DCC: variants seen among roughly 807,000 people sequenced by gnomAD.
The protein encoded by DCC is DCC netrin 1 receptor, also known as netrin receptor DCC.
DCC carries 58 observed loss-of-function variants against 172.5 expected under a neutral mutation model. That is an observed-to-expected ratio of 0.34 (90% CI 0.27 to 0.42). DCC has a LOEUF of 0.42. DCC is among the 10% of genes least tolerant of loss of function. The probability of loss-of-function intolerance (pLI) is 1.00; values close to 1 mark genes in which losing one functional copy is unlikely to be tolerated. For missense variants in DCC, 1,740 were observed against 1,791.0 expected, an observed-to-expected ratio of 0.97 and a Z score of 0.51; for synonymous variants, 709 against 644.5, an observed-to-expected ratio of 1.10 and a Z score of -1.52.
chr18:53,069,720 A>G (rs2042626578), intron 7 of DCC, among the ~76,000 whole-genome samples: 1 of 152,072 alleles, frequency 6.6e-6, no homozygotes, highest in Non-Finnish European at 1.5e-5. Flanking sequence ...TTCCAAATCC[A>G]TCCTCCCCTC....
chr18:52,480,556 AT>A (rs954274653), intron 1 of DCC, among the ~76,000 whole-genome samples: 22 of 152,148 alleles, frequency 1.4e-4, no homozygotes, highest in Admixed American at 3.9e-4. Context: ...GATAAAATTA[AT>A]AGCACCAATC....
At chr18:52,692,441 T>A (rs2035942590) in intron 1 of DCC, among the ~76,000 whole-genome samples, 1 of 152,088 alleles carries the variant, frequency 6.6e-6, no homozygotes, top group South Asian at 2.1e-4. Flanking sequence ...CTCTCTGTAT[T>A]TTATTTTATT....
At position 53,506,853 on chromosome 18, in the gene DCC, C is replaced by CCAT. The variant is rs553027077; in HGVS notation, c.4111+7345_4111+7347dup. ...AGTCTGGGTGACAGAGCAAGAGACT[C>CCAT]CATCTCAAAAAAAAAAAAAAAAGGA... On this transcript the variant is annotated intron_variant, in intron 27 of 28. Transcript: ENST00000442544. Among the ~76,000 whole-genome samples, 237 of 91,192 alleles carry CCAT rather than the reference C, an allele frequency of 2.6e-3. 4 individuals are homozygous for CCAT. The highest frequency in any genetic ancestry group is 9.6e-3 in the Middle Eastern group (2 of 208). 59.8% of individuals were successfully genotyped at this position (91,192 alleles called of 152,430 possible). A position where few individuals can be genotyped will look rare whatever the true frequency, so the allele number is the denominator to read the frequency against.
chr18:52,925,029 T>A (rs2040180000), intron 4 of DCC, among the ~76,000 whole-genome samples: 1 of 151,964 alleles, frequency 6.6e-6, no homozygotes, highest in Non-Finnish European at 1.5e-5. Flanking sequence ...ATTTATTTGA[T>A]CGCTACACAC....
chr18:52,589,292 T>C (rs1020646324), intron 1 of DCC, among the ~76,000 whole-genome samples: 3 of 152,212 alleles, frequency 2.0e-5, no homozygotes, highest in Non-Finnish European at 4.4e-5. Flanking sequence ...TATTTGATTC[T>C]GCTAAGCAAA....
At chr18:52,654,876 A>T (rs924633120) in intron 1 of DCC, among the ~76,000 whole-genome samples, 4 of 152,274 alleles carry the variant, frequency 2.6e-5, no homozygotes, top group African/African-American at 9.6e-5. Flanking sequence ...TTTCTTCAAA[A>T]TTAAGGACCT....
At chr18:53,089,560 A>AT (rs1430518215) in intron 7 of DCC, among the ~76,000 whole-genome samples, 1 of 149,430 alleles carries the variant, frequency 6.7e-6, no homozygotes, top group East Asian at 1.9e-4. Flanking sequence ...GGATGGACTT[A>AT]TTTTTTCCTC....
intron 7 of DCC, among the ~76,000 whole-genome samples, chr18:53,129,170 A>T (rs1332152719): frequency 6.6e-6 from 1 of 152,026 alleles, no homozygotes; most frequent in East Asian, 1.9e-4. Context: ...TATAGGCATG[A>T]GACACTGTTC....
At chr18:53,051,751 T>C (rs1467517628) in intron 5 of DCC, among the ~76,000 whole-genome samples, 1 of 152,130 alleles carries the variant, frequency 6.6e-6, no homozygotes, top group Non-Finnish European at 1.5e-5. Context: ...GATGTTCAAA[T>C]AATTTACTCT....
Position 53,063,339 on chromosome 18 carries a change from G to C in DCC, c.1020G>C (p.Leu340=), listed in dbSNP as rs761910324. ...GGTTTTTAAATCATCCTTCCAACCT[G>C]TATGCCTATGAAAGCATGGATATTG... ...PPWFLNHPSN[L]YAYESMDIEF... The change falls in exon 6 of 29, where the codon CTG becomes CTC. Residue 340 remains leucine, a synonymous_variant. Coordinates refer to ENST00000442544, the MANE Select transcript of DCC (RefSeq NM_005215.4). 1 of 1,612,848 alleles carries C rather than the reference G, an allele frequency of 6.2e-7. No homozygotes were observed. The highest frequency in any genetic ancestry group is 1.3e-5 in the African/African-American group (1 of 74,810).
At chr18:53,242,156 A>G (rs905703162) in intron 12 of DCC, among the ~76,000 whole-genome samples, 7 of 152,138 alleles carry the variant, frequency 4.6e-5, no homozygotes, top group Non-Finnish European at 8.8e-5. Flanking sequence ...AGTCTTAATC[A>G]ATCACTGGTA....
At chr18:53,420,181 T>C (rs983258050) in intron 21 of DCC, among the ~76,000 whole-genome samples, 2 of 152,174 alleles carry the variant, frequency 1.3e-5, no homozygotes, top group Non-Finnish European at 2.9e-5. Context: ...AACCATCAAC[T>C]GCATGACAAC....
chr18:53,072,465 G>A (rs1023910998), intron 7 of DCC, among the ~76,000 whole-genome samples: 5 of 152,154 alleles, frequency 3.3e-5, no homozygotes, highest in East Asian at 1.9e-4. Context: ...ATGGCATTCC[G>A]TTTTCTGACA....
intron 1 of DCC, among the ~76,000 whole-genome samples, chr18:52,584,816 C>T (rs74820306): frequency 0.037 from 5,620 of 151,830 alleles, 180 homozygotes; most frequent in East Asian, 0.11. Context: ...TTAGGATTAC[C>T]GAGACGAGCC....
chr18:53,012,892 C>G lies in DCC; in HGVS notation c.986-50413C>G, dbSNP rs543568273. Among the ~76,000 whole-genome samples the G allele has an allele frequency of 4.6e-5, 7 of 152,004 alleles. No individual in the cohort carries two copies. The South Asian group carries it at 1.5e-3, about 32-fold the overall frequency. On this transcript the variant is annotated intron_variant, in intron 5 of 28. Coordinates refer to ENST00000442544, the MANE Select transcript of DCC (RefSeq NM_005215.4). ...TAAACAAATTTACATGAAAAAAATG[C>G]CCCATCAAAAAGTGGGCAAAGGATA...
intron 12 of DCC, among the ~76,000 whole-genome samples, chr18:53,220,046 C>G (rs909173450): frequency 2.0e-5 from 3 of 151,980 alleles, no homozygotes; most frequent in African/African-American, 4.8e-5. Context: ...CTCTTATTAG[C>G]CAAGTCCATA....
At chr18:52,489,697 T>C (rs190413471) in intron 1 of DCC, among the ~76,000 whole-genome samples, 23 of 152,218 alleles carry the variant, frequency 1.5e-4, no homozygotes, top group African/African-American at 4.6e-4. Context: ...AAGATGGTGC[T>C]TCCCTCACTC....
At chr18:52,366,890 G>T (rs530356206) in intron 1 of DCC, among the ~76,000 whole-genome samples, 223 of 152,342 alleles carry the variant, frequency 1.5e-3, no homozygotes, top group Non-Finnish European at 2.8e-3. Flanking sequence ...TGCCAGTCCC[G>T]TGCCGTGCGC....
In DCC at chr18:53,429,042, A is replaced by T. The variant is rs1345758017; in HGVS notation, c.3164-6102A>T. The stretch of plus-strand genomic sequence containing the variant: ...ATATTTTTTATATAATATATATTTT[A>T]TATATAATATATTATATATTTTATA... On this transcript the variant is annotated intron_variant, in intron 21 of 28. Transcript: ENST00000442544. Among the ~76,000 whole-genome samples, 210 of 37,730 alleles carry T rather than the reference A, an allele frequency of 5.6e-3. 34 individuals carry two copies. Among genetic ancestry groups the T allele is most frequent in the African/African-American group, 0.013 (200 of 15,540 alleles). The allele number at this position is 37,730 out of a possible 152,430, so 24.8% of individuals were successfully genotyped here.
Sources: gnomAD v4.1 joint callset for allele counts (sites outside exome capture counted in the v4.1 genomes callset) on GRCh38, gnomAD v4.1.1 for gene constraint, MANE v1.5 for transcripts, NCBI Gene and HGNC (gene_info 2026-07-23, HGNC 2026-07-21) for gene names.